Variants in SLC26A4 observed in about 807,000 individuals in gnomAD.
SLC26A4 encodes the protein solute carrier family 26 member 4.
In SLC26A4, 93 loss-of-function variants were observed where a neutral mutation model predicts 90.4. That is an observed-to-expected ratio of 1.03 (90% CI 0.87 to 1.22). The LOEUF is 1.22. SLC26A4 is among the 50% of genes most tolerant of loss of function. The pLI is 0.00. For synonymous variants in SLC26A4, 393 were observed against 354.6 expected (o/e 1.11, Z -1.22); for missense variants, 1,127 against 946.2 (o/e 1.19, Z -2.51).
At chr7:107,704,292 G>A (rs997201433) in intron 17 of SLC26A4, 39 bp from the exon 18 acceptor site, 2 of 840,070 alleles carry the variant, frequency 2.4e-6, no homozygotes, top group Non-Finnish European at 4.1e-6. Context: ...GGGCAGATAA[G>A]GTTGTTAATT....
At chr7:107,665,863 C>T (rs746788362) in intron 3 of SLC26A4, among the ~76,000 whole-genome samples, 1 of 152,122 alleles carries the variant, frequency 6.6e-6, no homozygotes, top group Non-Finnish European at 1.5e-5. Flanking sequence ...AATCCGGTGT[C>T]TATTGTGTAG....
At chr7:107,686,943 C>A (rs548320139) in intron 8 of SLC26A4, among the ~76,000 whole-genome samples, 44 of 152,312 alleles carry the variant, frequency 2.9e-4, no homozygotes, top group Non-Finnish European at 5.0e-4. Context: ...GCAAAGCCAA[C>A]AAAACCACAG....
chr7:107,672,387 A>G (rs1790896141), intron 4 of SLC26A4, 139 bp downstream of exon 4: 1 of 191,802 alleles, frequency 5.2e-6, no homozygotes, highest in South Asian at 1.5e-4. Context: ...TGAAAACCGC[A>G]ATTACTTTTG....
intron 2 of SLC26A4, chr7:107,662,100 T>C (rs1225991708): frequency 4.0e-6 from 2 of 500,202 alleles, no homozygotes; most frequent in Non-Finnish European, 7.1e-6. Context: ...AAACTTGGAG[T>C]GCCTCTTGGG....
At chr7:107,675,686 G>A (rs898757416) in intron 6 of SLC26A4, among the ~76,000 whole-genome samples, 8 of 150,212 alleles carry the variant, frequency 5.3e-5, no homozygotes, top group Admixed American at 1.3e-4. Flanking sequence ...CGATTCTCCT[G>A]CCTCAGCCTC....
At chr7:107,695,863 A>G (rs1791725396) in intron 12 of SLC26A4, 70 bp from the exon 13 acceptor site, 10 of 835,466 alleles carry the variant, frequency 1.2e-5, no homozygotes, top group African/African-American at 3.3e-5. Context: ...TCTTATTTTT[A>G]TAGGTAGTTA....
intron 3 of SLC26A4, among the ~76,000 whole-genome samples, chr7:107,666,058 A>G (rs902988977): frequency 5.3e-5 from 8 of 152,210 alleles, no homozygotes; most frequent in African/African-American, 1.9e-4. Flanking sequence ...TCAGTGGTTC[A>G]TTAACAGGCA....
chr7:107,682,128 AAAT>A (rs1337684436), intron 6 of SLC26A4, among the ~76,000 whole-genome samples: 4 of 137,210 alleles, frequency 2.9e-5, no homozygotes, highest in African/African-American at 8.0e-5. Flanking sequence ...AAAAAAAAAA[AAAT>A]TTTTTTTATG....
At chr7:107,668,795 C>A (rs548975383) in intron 3 of SLC26A4, among the ~76,000 whole-genome samples, 2 of 152,150 alleles carry the variant, frequency 1.3e-5, no homozygotes, top group African/African-American at 4.8e-5. Flanking sequence ...CAGCCCGTCA[C>A]CTTGCTGCGT....
At chr7:107,680,756 T>C (rs1191536326) in intron 6 of SLC26A4, among the ~76,000 whole-genome samples, 1 of 152,120 alleles carries the variant, frequency 6.6e-6, no homozygotes, top group East Asian at 1.9e-4. Context: ...TTGATTCTCA[T>C]GGATTAAACT....
rs965791788 is a variant in SLC26A4, at chr7:107,661,819, G to A, written c.164+14G>A. 2.0e-6 allele frequency: 3 copies of A among 1,533,702 alleles called. No homozygotes were observed. Among genetic ancestry groups the A allele is most frequent in the South Asian group, 1.2e-5 (1 of 83,862 alleles). On this transcript the variant is annotated intron_variant, in intron 2 of 20. Coordinates refer to ENST00000644269, the MANE Select transcript of SLC26A4 (RefSeq NM_000441.2). The surrounding 1 kb of genome is among the most constrained non-coding windows in gnomAD (Gnocchi z 5.1). ...CAAGTGCTGCAGGTAGCGGCCGCGC[G>A]GGCCTGCGTAGAGAGAAGCGGAGCG...
At chr7:107,703,398 A>G (rs1562840379) in intron 17 of SLC26A4, among the ~76,000 whole-genome samples, 2 of 152,222 alleles carry the variant, frequency 1.3e-5, no homozygotes, top group Non-Finnish European at 2.9e-5. Context: ...GGATGTGGGT[A>G]CTAGGTAGGT....
chr7:107,674,872 A>T, intron 5 of SLC26A4, 73 bp from the exon 6 acceptor site: 2 of 1,410,524 alleles, frequency 1.4e-6, no homozygotes, highest in Non-Finnish European at 1.0e-6. Flanking sequence ...ATTAAGCTTG[A>T]TGTAATATTT....
At chr7:107,674,122 T>G in intron 4 of SLC26A4, 42 bp from the exon 5 acceptor site, 1 of 1,559,522 alleles carries the variant, frequency 6.4e-7, no homozygotes, top group Middle Eastern at 1.7e-4. Flanking sequence ...TGAACATTTG[T>G]GATTAATAAC....
At chr7:107,695,812 C>T (rs1442779371) in intron 12 of SLC26A4, 121 bp from the exon 13 acceptor site, 6 of 725,474 alleles carry the variant, frequency 8.3e-6, no homozygotes, top group Non-Finnish European at 1.5e-5. Context: ...GACCCTATCT[C>T]AAAAGAAAAA....
At chr7:107,670,589 A>G (rs1298925557) in intron 3 of SLC26A4, among the ~76,000 whole-genome samples, 1 of 152,188 alleles carries the variant, frequency 6.6e-6, no homozygotes, top group Non-Finnish European at 1.5e-5. Flanking sequence ...TTCATTTCAT[A>G]GAATTACGAA....
Position 107,674,234 on chromosome 7 carries a change from C to A in SLC26A4, c.486C>A (p.Leu162=). ...VLSMAPDEHF[L]VSSSNGTVLN... ...GCATGGCCCCCGACGAACACTTTCT[C>A]GTATCCAGCAGCAATGGAACTGTAT... is the stretch of plus-strand genomic sequence containing the variant. The change falls in exon 5 of 21, where the codon CTC becomes CTA. Residue 162 remains leucine, a synonymous_variant. Coordinates refer to ENST00000644269, the MANE Select transcript of SLC26A4 (RefSeq NM_000441.2). 1 of 1,614,032 alleles carries A rather than the reference C, an allele frequency of 6.2e-7. No homozygotes were observed. Among genetic ancestry groups the A allele is most frequent in the East Asian group, 2.2e-5 (1 of 44,886 alleles).
intron 10 of SLC26A4, chr7:107,692,990 T>C (rs1791618485): frequency 6.6e-6 from 1 of 152,266 alleles, no homozygotes; most frequent in South Asian, 2.1e-4. Flanking sequence ...CTGTGGTCCT[T>C]GTCCCCAAAT....
At chr7:107,713,915 T>G (rs902877719) in intron 20 of SLC26A4, among the ~76,000 whole-genome samples, 3 of 150,772 alleles carry the variant, frequency 2.0e-5, no homozygotes, top group South Asian at 2.1e-4. Context: ...ATTAGTATTA[T>G]TATTATTATT....
Sources: gnomAD v4.1 joint callset for allele counts (sites outside exome capture counted in the v4.1 genomes callset) on GRCh38, gnomAD v4.1.1 for gene constraint, Gnocchi (gnomAD v3.1) non-coding constraint, MANE v1.5 for transcripts, NCBI Gene and HGNC (gene_info 2026-07-23, HGNC 2026-07-21) for gene names.